SNX31: variants seen among roughly 807,000 people sequenced by gnomAD.
The protein encoded by SNX31 is sorting nexin 31.
SNX31 carries 58 observed loss-of-function variants against 65.4 expected under a neutral mutation model. That is an observed-to-expected ratio of 0.89 (90% CI 0.72 to 1.10). SNX31 has a LOEUF of 1.10. SNX31 is among the 50% of genes least tolerant of loss of function. The pLI, the probability that SNX31 is intolerant of heterozygous loss-of-function variation, is 0.00. For missense variants in SNX31, 523 were observed against 529.7 expected, an observed-to-expected ratio of 0.99 and a Z score of 0.12; for synonymous variants, 181 against 190.1, an observed-to-expected ratio of 0.95 and a Z score of 0.39.
rs972271346 is a variant in SNX31, at chr8:100,610,491, A to G, written c.611+1509T>C. Among the ~76,000 whole-genome samples the G allele has an allele frequency of 6.6e-6, 1 of 152,180 alleles. No individual in the cohort carries two copies. The highest frequency in any genetic ancestry group is 2.4e-5 in the African/African-American group (1 of 41,456). ...AATAACCCTTATAATAATCCAATAA[A>G]CTATTTTTATTATTCCCATTTTACA... On this transcript the variant is annotated intron_variant, in intron 7 of 13. Transcript: ENST00000311812. The surrounding 1 kb of genome is among the most constrained non-coding windows in gnomAD (Gnocchi z 4.0).
At chr8:100,615,967 G>T (rs1334928711) in intron 5 of SNX31, among the ~76,000 whole-genome samples, 1 of 151,904 alleles carries the variant, frequency 6.6e-6, no homozygotes, top group African/African-American at 2.4e-5. Flanking sequence ...GTAGAGATGT[G>T]GTCTCACTGT....
rs1357459652 is a variant in SNX31, at chr8:100,574,938, G to GA, written c.1228-979dup. Among the ~76,000 whole-genome samples the GA allele has an allele frequency of 2.5e-3, 381 of 151,152 alleles. 1 individual carries two copies. The highest frequency in any genetic ancestry group is 8.6e-3 in the African/African-American group (356 of 41,300). ...AAGGGAGCGAGACTCTGTCTCATTA[G>GA]AAAAAAAAAGTGTTATGCTTATTTT... On this transcript the variant is annotated intron_variant, in intron 13 of 13. Transcript: ENST00000311812.
intron 4 of SNX31, chr8:100,619,068 C>T (rs1199086213): frequency 6.6e-6 from 1 of 152,136 alleles, no homozygotes; most frequent in Non-Finnish European, 1.5e-5. Context: ...ATGCCGTGGT[C>T]TTTCAGGTGA....
rs1813824140 is a variant in SNX31, at chr8:100,584,253, T to C, written c.1093-65A>G. The C allele has an allele frequency of 5.2e-6, 7 of 1,345,974 alleles. No homozygotes were observed. The South Asian group carries it at 9.6e-5, about 19-fold the overall frequency. The allele number at this position is 1,345,974 out of a possible 1,614,324, so 83.4% of individuals were successfully genotyped here. A position where few individuals can be genotyped will look rare whatever the true frequency, so the allele number is the denominator to read the frequency against. ...AATCTTCACTCTCTTTCTTCCCTCC[T>C]CACACCACAAAGCGGATTTTGACTC... is the stretch of plus-strand genomic sequence containing the variant. On this transcript the variant is annotated intron_variant, in intron 11 of 13. Coordinates refer to ENST00000311812, the MANE Select transcript of SNX31 (RefSeq NM_152628.4).
Position 100,630,274 on chromosome 8 carries a change from T to C in SNX31, c.321+53A>G. On this transcript the variant is annotated intron_variant, in intron 4 of 13. Coordinates refer to ENST00000311812, the MANE Select transcript of SNX31 (RefSeq NM_152628.4). The surrounding 1 kb of genome is among the most constrained non-coding windows in gnomAD (Gnocchi z 5.3). Reference sequence around the variant, plus strand: ...TGTGTGTACCTGCACACTTGGTTCATGAAGAGTGTCCTGCAGAGGAATGAT... The same window carrying C: ...TGTGTGTACCTGCACACTTGGTTCACGAAGAGTGTCCTGCAGAGGAATGAT... 1.3e-6 allele frequency: 2 copies of C among 1,562,676 alleles called. No individual in the cohort carries two copies. The highest frequency in any genetic ancestry group is 2.2e-5 in the South Asian group (2 of 89,290).
chr8:100,602,298 T>G (rs76074047), intron 8 of SNX31, among the ~76,000 whole-genome samples: 1 of 152,342 alleles, frequency 6.6e-6, no homozygotes, highest in African/African-American at 2.4e-5. Flanking sequence ...TAAATATTGC[T>G]GTTTAGGCTG....
intron 3 of SNX31, among the ~76,000 whole-genome samples, chr8:100,631,798 A>T (rs13257762): frequency 0.018 from 2,783 of 152,294 alleles, 36 homozygotes; most frequent in Non-Finnish European, 0.028. Context: ...GAGGAGGGGA[A>T]GCCCTTGCAT....
chr8:100,596,934 G>T, intron 9 of SNX31, 92 bp from the exon 10 acceptor site: 1 of 1,045,444 alleles, frequency 9.6e-7, no homozygotes, highest in Non-Finnish European at 1.5e-6. Flanking sequence ...AGAAGCTACT[G>T]CCATTCTAGG....
At position 100,588,831 on chromosome 8, in the gene SNX31, A is replaced by G; in HGVS notation, c.1092+35T>C. 2 of 1,490,008 alleles carry G rather than the reference A, an allele frequency of 1.3e-6. No homozygotes were observed. Among genetic ancestry groups the G allele is most frequent in the Non-Finnish European group, 1.9e-6 (2 of 1,068,404 alleles). 92.3% of individuals were successfully genotyped at this position (1,490,008 alleles called of 1,614,324 possible). ...CCAGCAAGCAAGACAGCATTTCAGC[A>G]CAGAGGGTGTTCAAGGTCTGCCCTG... On this transcript the variant is annotated intron_variant, in intron 11 of 13. Coordinates refer to ENST00000311812, the MANE Select transcript of SNX31 (RefSeq NM_152628.4). This position sits in a 1 kb window ranked among gnomAD's most constrained non-coding sequence, Gnocchi z 4.8.
Position 100,636,005 on chromosome 8 carries a change from G to A in SNX31, c.148C>T (p.Arg50Trp), listed in dbSNP as rs142077371. The change falls in exon 3 of 14, where the codon CGG becomes TGG. Residue 50 changes from arginine to tryptophan, a missense_variant. By Grantham distance (101) the Arg-to-Trp change is moderately radical. Coordinates refer to ENST00000311812, the MANE Select transcript of SNX31 (RefSeq NM_152628.4). Reference sequence around the variant, plus strand: ...GGTGGCAGGCAATTTCCAAAGACCCGCCTTAGCTGAAAGATCCAGGAAACA... The same window carrying A: ...GGTGGCAGGCAATTTCCAAAGACCCACCTTAGCTGAAAGATCCAGGAAACA... Reference protein sequence around the residue: ...QLHGWNEQLRRVFGNCLPPFP... With the variant: ...QLHGWNEQLRWVFGNCLPPFP... 209 of 1,613,154 alleles carry A rather than the reference G, an allele frequency of 1.3e-4. No individual in the cohort carries two copies. The African/African-American group carries it at 1.8e-3, about 14-fold the overall frequency.
At chr8:100,589,226 G>T (rs1257171595) in intron 10 of SNX31, among the ~76,000 whole-genome samples, 2 of 151,676 alleles carry the variant, frequency 1.3e-5, no homozygotes, top group Non-Finnish European at 1.5e-5. Flanking sequence ...ACTTGCACTA[G>T]GGAGACAGAG....
At chr8:100,574,254 T>A (rs1812849677) in intron 13 of SNX31, among the ~76,000 whole-genome samples, 2 of 152,324 alleles carry the variant, frequency 1.3e-5, no homozygotes, top group South Asian at 4.1e-4. Context: ...TCTTGCCTCT[T>A]TCCCCTCTTA....
rs745556507 is a variant in SNX31, at chr8:100,610,872, C to A, written c.611+1128G>T. On this transcript the variant is annotated intron_variant, in intron 7 of 13. Transcript: ENST00000311812. The surrounding 1 kb of genome is among the most constrained non-coding windows in gnomAD (Gnocchi z 4.0). ...AAGGGAATTCTTAGATTTCAAAATA[C>A]CTTTCTTTAAAACTTCTGTACTCAG... Among the ~76,000 whole-genome samples the A allele has an allele frequency of 9.9e-5, 15 of 152,198 alleles. No individual in the cohort carries two copies. The highest frequency in any genetic ancestry group is 1.8e-4 in the Non-Finnish European group (12 of 68,034).
chr8:100,646,534 C>T (rs1819653017), intron 2 of SNX31, among the ~76,000 whole-genome samples: 1 of 152,220 alleles, frequency 6.6e-6, no homozygotes, highest in Non-Finnish European at 1.5e-5. Context: ...TCTACAGGTG[C>T]AAATCTCCTC....
intron 4 of SNX31, among the ~76,000 whole-genome samples, chr8:100,619,561 G>A (rs1282923904): frequency 6.6e-6 from 1 of 152,264 alleles, no homozygotes; most frequent in Non-Finnish European, 1.5e-5. Context: ...AGCTGCTATA[G>A]GGAGAGGGAG....
Position 100,625,218 on chromosome 8 carries a change from C to T in SNX31, c.321+5109G>A, listed in dbSNP as rs992448720. On this transcript the variant is annotated intron_variant, in intron 4 of 13. Transcript: ENST00000311812. This position sits in a 1 kb window ranked among gnomAD's most constrained non-coding sequence, Gnocchi z 4.2. ...AAAGAAACCTCAAAATCCTCCAATA[C>T]CATGGGCTGCCTTAATGTTTTAAAA... Among the ~76,000 whole-genome samples, 2 of 152,088 alleles carry T rather than the reference C, an allele frequency of 1.3e-5. No individual in the cohort carries two copies. Among genetic ancestry groups the T allele is most frequent in the African/African-American group, 4.8e-5 (2 of 41,412 alleles).
intron 7 of SNX31, 42 bp downstream of exon 7, chr8:100,611,958 A>C: frequency 6.7e-7 from 1 of 1,484,536 alleles, no homozygotes; most frequent in South Asian, 1.1e-5. Context: ...GGCAATGGCG[A>C]AGTGTCGTCA....
intron 4 of SNX31, chr8:100,618,424 T>C (rs1010554863): frequency 2.9e-5 from 29 of 983,264 alleles, no homozygotes; most frequent in African/African-American, 2.4e-4. Flanking sequence ...GGTGTTTCCA[T>C]GTAGCAACCA....
intron 11 of SNX31, among the ~76,000 whole-genome samples, chr8:100,585,987 C>A (rs1814007415): frequency 6.6e-6 from 1 of 151,700 alleles, no homozygotes. Context: ...GTGGTGTAAT[C>A]TTGGCTCACT....
Sources: gnomAD v4.1 joint callset for allele counts (sites outside exome capture counted in the v4.1 genomes callset) on GRCh38, gnomAD v4.1.1 for gene constraint, Gnocchi (gnomAD v3.1) non-coding constraint, MANE v1.5 for transcripts, NCBI Gene and HGNC (gene_info 2026-07-23, HGNC 2026-07-21) for gene names.